MYO5B: variants seen among roughly 807,000 people sequenced by gnomAD.
MYO5B encodes myosin VB, also known as unconventional myosin-Vb.
MYO5B carries 143 observed loss-of-function variants against 229.3 expected under a neutral mutation model. The observed-to-expected ratio is 0.62, with a 90% confidence interval of 0.54 to 0.72. MYO5B has a LOEUF of 0.72. MYO5B is among the 30% of genes least tolerant of loss of function. The pLI is 0.00. For synonymous variants in MYO5B, 918 were observed against 885.2 expected (o/e 1.04, Z -0.66); for missense variants, 2,321 against 2,331.0 (o/e 1.00, Z 0.09).
At chr18:50,101,284 T>C (rs1454043358) in intron 1 of MYO5B, among the ~76,000 whole-genome samples, 1 of 152,142 alleles carries the variant, frequency 6.6e-6, no homozygotes, top group African/African-American at 2.4e-5. Flanking sequence ...TGTACCTTGA[T>C]AAAGCTACAT....
chr18:50,106,897 T>C (rs1211418281), intron 1 of MYO5B, among the ~76,000 whole-genome samples: 1 of 152,084 alleles, frequency 6.6e-6, no homozygotes, highest in Non-Finnish European at 1.5e-5. Context: ...TCCCACCTCA[T>C]AAAGAAAACC....
chr18:49,879,381 A>G (rs1305272580), intron 23 of MYO5B: 4 of 447,944 alleles, frequency 8.9e-6, no homozygotes, highest in South Asian at 6.4e-5. Flanking sequence ...TCTTCTGCCA[A>G]CTGTCACAGC....
chr18:50,021,712 T>C (rs1212071753), intron 4 of MYO5B, among the ~76,000 whole-genome samples: 4 of 74,934 alleles, frequency 5.3e-5, no homozygotes, highest in Non-Finnish European at 1.0e-4. Flanking sequence ...CCCCATCCCA[T>C]CTGCGTAAAA....
At chr18:50,161,378 T>G (rs1263314167) in intron 1 of MYO5B, among the ~76,000 whole-genome samples, 1 of 151,882 alleles carries the variant, frequency 6.6e-6, no homozygotes, top group East Asian at 1.9e-4. Flanking sequence ...GGCGAGACTG[T>G]CTCAAAAACA....
intron 1 of MYO5B, among the ~76,000 whole-genome samples, chr18:50,146,524 G>A (rs1302635027): frequency 1.3e-5 from 2 of 152,186 alleles, no homozygotes; most frequent in Non-Finnish European, 2.9e-5. Flanking sequence ...GGTAGGAAAG[G>A]CTGGGGAGCA....
chr18:50,162,803 G>A (rs1312063414), intron 1 of MYO5B, among the ~76,000 whole-genome samples: 1 of 152,152 alleles, frequency 6.6e-6, no homozygotes, highest in Non-Finnish European at 1.5e-5. Flanking sequence ...GCACAGTACT[G>A]CCCAAAAAGA....
chr18:50,018,750 T>C (rs1283148890), intron 4 of MYO5B, among the ~76,000 whole-genome samples: 1 of 152,164 alleles, frequency 6.6e-6, no homozygotes, highest in Non-Finnish European at 1.5e-5. Context: ...CTTACGATGA[T>C]AAAGGGGGAT....
intron 1 of MYO5B, among the ~76,000 whole-genome samples, chr18:50,078,590 G>A (rs1014328956): frequency 1.3e-5 from 2 of 152,078 alleles, no homozygotes; most frequent in Non-Finnish European, 2.9e-5. Flanking sequence ...TAAAAGAAAA[G>A]AAAACAAGCA....
chr18:49,971,493 A>C (rs1054905806), intron 10 of MYO5B, among the ~76,000 whole-genome samples: 3 of 152,184 alleles, frequency 2.0e-5, no homozygotes, highest in African/African-American at 7.2e-5. Flanking sequence ...TTAAGAAATG[A>C]TATCACTGAC....
chr18:49,834,677 C>T (rs1229329421), intron 39 of MYO5B, among the ~76,000 whole-genome samples: 1 of 152,018 alleles, frequency 6.6e-6, no homozygotes, highest in East Asian at 1.9e-4. Context: ...CTCACTCTGT[C>T]GCCCAGGCTG....
At chr18:50,097,196 C>T (rs1357459391) in intron 1 of MYO5B, 1 of 456,420 alleles carries the variant, frequency 2.2e-6, no homozygotes, top group Non-Finnish European at 4.4e-6. Flanking sequence ...TCCCCATTCC[C>T]CACAGATGTC....
chr18:50,092,840 A>T (rs1352012707), intron 1 of MYO5B, among the ~76,000 whole-genome samples: 2 of 152,250 alleles, frequency 1.3e-5, no homozygotes, highest in African/African-American at 4.8e-5. Flanking sequence ...CAAGAGTGTT[A>T]GACTCCAAAA....
At chr18:50,064,180 T>A (rs962256080) in intron 1 of MYO5B, 4 of 152,772 alleles carry the variant, frequency 2.6e-5, no homozygotes, top group African/African-American at 4.8e-5. Flanking sequence ...GGATTGTAAA[T>A]CCCCGAGTCT....
intron 1 of MYO5B, among the ~76,000 whole-genome samples, chr18:50,094,162 T>C (rs72917851): frequency 0.13 from 20,148 of 152,270 alleles, 1,444 homozygotes; most frequent in East Asian, 0.23. Flanking sequence ...GGGAATCCTG[T>C]AGCCACTAAT....
intron 22 of MYO5B, among the ~76,000 whole-genome samples, chr18:49,894,413 G>A (rs1787321): frequency 0.78 from 119,271 of 151,984 alleles, 46,958 homozygotes; most frequent in East Asian, 0.95. Context: ...ATGCCCTGAT[G>A]CTCAGGTTTG....
chr18:50,151,371 A>T (rs534591558), intron 1 of MYO5B, among the ~76,000 whole-genome samples: 2 of 152,252 alleles, frequency 1.3e-5, no homozygotes, highest in South Asian at 4.1e-4. Context: ...CAAGGAGAAG[A>T]TGTCAACTTG....
At chr18:50,131,174 T>G (rs2097593013) in intron 1 of MYO5B, among the ~76,000 whole-genome samples, 1 of 152,216 alleles carries the variant, frequency 6.6e-6, no homozygotes, top group South Asian at 2.1e-4. Flanking sequence ...AGTCATTAAT[T>G]GCATGGAATC....
intron 1 of MYO5B, among the ~76,000 whole-genome samples, chr18:50,183,873 C>A (rs77776233): frequency 0.011 from 1,680 of 152,178 alleles, 33 homozygotes; most frequent in African/African-American, 0.038. Flanking sequence ...GGAATGGATT[C>A]ATTCCCACGA....
At chr18:49,923,241 A>G (rs1304813261) in intron 17 of MYO5B, among the ~76,000 whole-genome samples, 2 of 152,228 alleles carry the variant, frequency 1.3e-5, no homozygotes, top group Non-Finnish European at 2.9e-5. Context: ...CACTTGCACT[A>G]CAACCTTGCA....
Sources: gnomAD v4.1 joint callset for allele counts (sites outside exome capture counted in the v4.1 genomes callset) on GRCh38, gnomAD v4.1.1 for gene constraint, MANE v1.5 for transcripts, NCBI Gene and HGNC (gene_info 2026-07-23, HGNC 2026-07-21) for gene names.